The following RALYL variants were observed in gnomAD, a reference collection of about 807,000 sequenced individuals.
RALYL encodes the protein RNA-binding Raly-like protein.
RALYL carries 29 observed loss-of-function variants against 35.1 expected under a neutral mutation model. The observed-to-expected ratio is 0.83, with a 90% CI of 0.61 to 1.13. The LOEUF (loss-of-function observed/expected upper bound fraction) is 1.13. Among genes scored for constraint, RALYL ranks in the 50% most tolerant of loss-of-function variants. The probability of loss-of-function intolerance (pLI) is 0.00; values close to 1 mark genes in which losing one functional copy is unlikely to be tolerated. For missense variants in RALYL, 359 were observed against 360.4 expected (o/e 1.00, Z 0.03); for synonymous variants, 120 against 127.6 (o/e 0.94, Z 0.40).
chr8:84,211,887 T>G (rs1819577503), intron 1 of RALYL, among the ~76,000 whole-genome samples: 1 of 152,104 alleles, frequency 6.6e-6, no homozygotes, highest in Admixed American at 6.5e-5. Flanking sequence ...TATCAAAAAT[T>G]TATTTGGTAC....
intron 1 of RALYL, among the ~76,000 whole-genome samples, chr8:84,357,883 A>G (rs1478571216): frequency 1.3e-5 from 2 of 151,242 alleles, no homozygotes; most frequent in Non-Finnish European, 3.0e-5. Flanking sequence ...CTGAGAAAAA[A>G]TAAATTTAGT....
At chr8:84,529,246 C>G (rs764328376) in intron 1 of RALYL, 53 bp from the exon 2 acceptor site, 8 of 1,531,768 alleles carry the variant, frequency 5.2e-6, no homozygotes, top group Non-Finnish European at 6.2e-6. Context: ...CCCATTCGAT[C>G]TAATGATTTA....
intron 1 of RALYL, among the ~76,000 whole-genome samples, chr8:84,300,506 C>T (rs1383972707): frequency 2.6e-5 from 4 of 151,796 alleles, no homozygotes; most frequent in Non-Finnish European, 5.9e-5. Flanking sequence ...TAGATTTCTG[C>T]GTTGGGGATC....
chr8:84,704,079 T>C (rs990327586), intron 2 of RALYL, among the ~76,000 whole-genome samples: 3 of 152,196 alleles, frequency 2.0e-5, no homozygotes, highest in Non-Finnish European at 2.9e-5. Context: ...TCTAAATTTA[T>C]TGAAAAAGAA....
chr8:84,357,015 T>A (rs1165073341), intron 1 of RALYL, among the ~76,000 whole-genome samples: 1 of 152,124 alleles, frequency 6.6e-6, no homozygotes, highest in African/African-American at 2.4e-5. Context: ...CAGTTACTGT[T>A]GCTTTCTCTA....
chr8:84,671,130 G>A (rs1833135554), intron 2 of RALYL, among the ~76,000 whole-genome samples: 1 of 152,132 alleles, frequency 6.6e-6, no homozygotes, highest in South Asian at 2.1e-4. Context: ...AAATCCAGCA[G>A]GGCAGTCAAA....
intron 1 of RALYL, among the ~76,000 whole-genome samples, chr8:84,458,435 A>T (rs2050384253): frequency 6.6e-6 from 1 of 151,726 alleles, no homozygotes; most frequent in African/African-American, 2.4e-5. Context: ...TGTATCTAGA[A>T]TTTTTCTTAT....
chr8:84,188,696 G>T (rs1256059168), intron 1 of RALYL, among the ~76,000 whole-genome samples: 1 of 152,074 alleles, frequency 6.6e-6, no homozygotes, highest in African/African-American at 2.4e-5. Context: ...AATTATACTT[G>T]TCATCACCCT....
intron 2 of RALYL, among the ~76,000 whole-genome samples, chr8:84,649,380 C>G (rs1564306858): frequency 6.6e-6 from 1 of 151,684 alleles, no homozygotes; most frequent in Non-Finnish European, 1.5e-5. Flanking sequence ...AATGGTAATG[C>G]CTAGGTTTTC....
At chr8:84,544,947 CT>C in intron 2 of RALYL, among the ~76,000 whole-genome samples, 1 of 151,872 alleles carries the variant, frequency 6.6e-6, no homozygotes, top group Admixed American at 6.6e-5. Context: ...TTGTATTTTT[CT>C]TATACATTAA....
chr8:84,530,320 G>A (rs994984675), intron 2 of RALYL, among the ~76,000 whole-genome samples: 1 of 151,646 alleles, frequency 6.6e-6, no homozygotes, highest in Non-Finnish European at 1.5e-5. Context: ...TTCTTGTTCT[G>A]TCTAGATTAA....
chr8:84,639,240 AAG>A (rs1363594278), intron 2 of RALYL, among the ~76,000 whole-genome samples: 11 of 151,828 alleles, frequency 7.2e-5, no homozygotes, highest in Admixed American at 6.6e-4. Context: ...GCTAGAGAAA[AAG>A]AAAAAACATA....
At chr8:84,520,546 G>C (rs1185696038) in intron 1 of RALYL, among the ~76,000 whole-genome samples, 1 of 152,072 alleles carries the variant, frequency 6.6e-6, no homozygotes, top group East Asian at 1.9e-4. Flanking sequence ...TTAGATAGGG[G>C]TCCCTAATCC....
At chr8:84,682,120 C>G (rs577501136) in intron 2 of RALYL, among the ~76,000 whole-genome samples, 2 of 152,096 alleles carry the variant, frequency 1.3e-5, no homozygotes, top group South Asian at 4.1e-4. Flanking sequence ...GTCTTTGGTT[C>G]TGTTTATATG....
intron 1 of RALYL, among the ~76,000 whole-genome samples, chr8:84,438,946 C>CTTT (rs35901188): frequency 6.7e-6 from 1 of 149,672 alleles, no homozygotes; most frequent in Non-Finnish European, 1.5e-5. Context: ...GTCTATGTAT[C>CTTT]TTTTTTTTTT....
chr8:84,809,286 A>G (rs1183929431), intron 4 of RALYL, among the ~76,000 whole-genome samples: 1 of 152,192 alleles, frequency 6.6e-6, no homozygotes, highest in African/African-American at 2.4e-5. Flanking sequence ...TATCACATTT[A>G]TTGACTTGCA....
rs930490467 is a variant in RALYL, at chr8:84,797,245, TGA to T, written c.333-7523_333-7522del. ...TGCAATAATGACATAAATCCATTCA[TGA>T]GGGTAAAGTCCTCATGGCCTAATCA... On this transcript the variant is annotated intron_variant, in intron 3 of 8. Coordinates refer to ENST00000521268, the MANE Select transcript of RALYL (RefSeq NM_173848.7). 7.0e-4 allele frequency among the ~76,000 whole-genome samples: 106 copies of T among 152,328 alleles called. 1 individual carries two copies. Among genetic ancestry groups the T allele is most frequent in the African/African-American group, 2.5e-3 (103 of 41,576 alleles).
At chr8:84,302,696 G>C (rs193181695) in intron 1 of RALYL, among the ~76,000 whole-genome samples, 37 of 152,284 alleles carry the variant, frequency 2.4e-4, no homozygotes, top group Admixed American at 2.1e-3. Context: ...TTTTTATGAA[G>C]ATACCTGCGC....
intron 8 of RALYL, among the ~76,000 whole-genome samples, chr8:84,899,636 C>T (rs1334290624): frequency 6.6e-6 from 1 of 152,170 alleles, no homozygotes; most frequent in African/African-American, 2.4e-5. Flanking sequence ...CAGCCTGAGT[C>T]TTGAAGGCAC....
Sources: gnomAD v4.1 joint callset for allele counts (sites outside exome capture counted in the v4.1 genomes callset) on GRCh38, gnomAD v4.1.1 for gene constraint, MANE v1.5 for transcripts, NCBI Gene and HGNC (gene_info 2026-07-23, HGNC 2026-07-21) for gene names.